Variants in DNAAF4 observed in about 807,000 individuals in gnomAD.
The protein encoded by DNAAF4 is dynein assembly factor 4, axonemal.
A neutral mutation model predicts 51.8 loss-of-function variants in DNAAF4; 43 were observed. That is an observed-to-expected ratio of 0.83 (90% confidence interval 0.65 to 1.07). The LOEUF (loss-of-function observed/expected upper bound fraction) is 1.07. Among genes scored for constraint, DNAAF4 ranks in the 50% least tolerant of loss-of-function variants. The probability of loss-of-function intolerance (pLI) is 0.00; values close to 1 mark genes in which losing one functional copy is unlikely to be tolerated. For synonymous variants in DNAAF4, 194 were observed against 165.6 expected (o/e 1.17, Z -1.32); for missense variants, 581 against 493.0 (o/e 1.18, Z -1.69).
chr15:55,487,397 C>T (rs944763297), intron 4 of DNAAF4, among the ~76,000 whole-genome samples: 4 of 152,148 alleles, frequency 2.6e-5, no homozygotes, highest in African/African-American at 9.7e-5. Flanking sequence ...GTAAAATGGA[C>T]CAATCAGCAC....
At position 55,467,092 on chromosome 15, in the gene DNAAF4, A is replaced by G. The variant is rs775044601; in HGVS notation, c.475T>C (p.Leu159=). 9 of 1,550,242 alleles carry G rather than the reference A, an allele frequency of 5.8e-6. No individual in the cohort carries two copies. The East Asian group carries it at 1.2e-4, about 21-fold the overall frequency. Residue 159 remains leucine (L), a synonymous_variant, in exon 5 of 10, where the codon TTG becomes CTG. Coordinates refer to ENST00000321149, the MANE Select transcript of DNAAF4 (RefSeq NM_130810.4). The stretch of plus-strand genomic sequence containing the variant: ...CTTTGATATTCTTTCCAGGCTTCCA[A>G]TGCTTTAGTGGCTTTTATCCGTTCA... ...ENERIKATKA[L]EAWKEYQRKA...
At chr15:55,470,844 C>T (rs1278469714) in intron 4 of DNAAF4, among the ~76,000 whole-genome samples, 2 of 103,404 alleles carry the variant, frequency 1.9e-5, no homozygotes, top group Non-Finnish European at 3.9e-5. Flanking sequence ...CTATGCCTGG[C>T]GGATTTTTTT....
At chr15:55,437,562 A>G (rs758322966) in intron 7 of DNAAF4, among the ~76,000 whole-genome samples, 1 of 152,006 alleles carries the variant, frequency 6.6e-6, no homozygotes, top group Non-Finnish European at 1.5e-5. Flanking sequence ...ACGTTACCTA[A>G]CACGGCAAAA....
In DNAAF4 at chr15:55,497,115, C is replaced by G. The variant is rs1478145721; in HGVS notation, c.271+597G>C. 2.0e-5 allele frequency among the ~76,000 whole-genome samples: 3 copies of G among 152,300 alleles called. 1 individual carries two copies. Among genetic ancestry groups the G allele is most frequent in the African/African-American group, 7.2e-5 (3 of 41,566 alleles). On this transcript the variant is annotated intron_variant, in intron 3 of 9. Coordinates refer to ENST00000321149, the MANE Select transcript of DNAAF4 (RefSeq NM_130810.4). Reference sequence around the variant, plus strand: ...TTCTAAGCGGCCTACATCCCCTCCCCCTTCCCCTATTAAGACAGTCCCTAA... The same window carrying G: ...TTCTAAGCGGCCTACATCCCCTCCCGCTTCCCCTATTAAGACAGTCCCTAA...
chr15:55,495,108 A>C (rs2058622495), intron 3 of DNAAF4: 1 of 151,436 alleles, frequency 6.6e-6, no homozygotes, highest in South Asian at 2.1e-4. Context: ...TGACATCCTC[A>C]GGCCCCAACA....
chr15:55,422,225 A>C lies in DNAAF4; in HGVS notation c.1048-4092T>G, dbSNP rs554601771. On this transcript the variant is annotated intron_variant, in intron 7 of 7. Coordinates refer to the DNAAF4 transcript ENST00000448430. ...GAGGAAAGTGAGTACTTCAGCAAGG[A>C]GTTACTTTAGGTAGGTGGAAAGGGA... is the stretch of plus-strand genomic sequence containing the variant. Among the ~76,000 whole-genome samples, 77 of 152,166 alleles carry C rather than the reference A, an allele frequency of 5.1e-4. 1 individual carries two copies. Among genetic ancestry groups the C allele is most frequent in the African/African-American group, 1.8e-3 (75 of 41,536 alleles).
chr15:55,474,304 G>A (rs934826053), intron 4 of DNAAF4, among the ~76,000 whole-genome samples: 4 of 152,182 alleles, frequency 2.6e-5, no homozygotes, highest in Non-Finnish European at 4.4e-5. Flanking sequence ...GGGAGGCCGA[G>A]GTGGGCAGAT....
At chr15:55,452,419 ACT>A (rs1361006041) in intron 5 of DNAAF4, among the ~76,000 whole-genome samples, 1 of 151,982 alleles carries the variant, frequency 6.6e-6, no homozygotes, top group Non-Finnish European at 1.5e-5. Flanking sequence ...ACTAAAAAAA[ACT>A]ATATTGCTAC....
rs960281983 is a variant in DNAAF4 at position 55,454,998 on chromosome 15, TAAGTA to T, written c.638-4636_638-4632del. On this transcript the variant is annotated intron_variant, in intron 5 of 9. Transcript: ENST00000321149. ...TATATAATTATAGATAAAGTACAGA[TAAGTA>T]AATAAAAACTTTATGAAAATGAATT... is the stretch of plus-strand genomic sequence containing the variant. Among the ~76,000 whole-genome samples the T allele has an allele frequency of 4.6e-4, 69 of 149,946 alleles. 1 individual carries two copies. The South Asian group carries it at 8.9e-3, about 19-fold the overall frequency.
Position 55,497,725 on chromosome 15 carries a change from A to C in DNAAF4, c.258T>G (p.Leu86=). 6.2e-7 allele frequency: 1 copy of C among 1,608,780 alleles called. No homozygotes were observed. Among genetic ancestry groups the C allele is most frequent in the Non-Finnish European group, 8.5e-7 (1 of 1,178,404 alleles). ...YKKEAAMWET[L]SVTGVDKEMM... is the part of the protein sequence containing the mutation. ...TAAAGAACTTACCACCCGTCACAGAAAGGGTCTCCCACATGGCCGCTTCTT... is the reference window on the plus strand; with the variant it reads ...TAAAGAACTTACCACCCGTCACAGACAGGGTCTCCCACATGGCCGCTTCTT... Residue 86 remains leucine (L), a synonymous_variant, in exon 3 of 10, where the codon CTT becomes CTG. Coordinates refer to ENST00000321149, the MANE Select transcript of DNAAF4 (RefSeq NM_130810.4).
At chr15:55,432,438 C>T (rs2057511031) in intron 9 of DNAAF4, 59 bp downstream of exon 9, 2 of 1,374,688 alleles carry the variant, frequency 1.5e-6, no homozygotes, top group Non-Finnish European at 1.0e-6. Flanking sequence ...TAAATAATTC[C>T]AATGACATTT....
At chr15:55,453,900 T>G (rs2141470654) in intron 5 of DNAAF4, among the ~76,000 whole-genome samples, 1 of 152,150 alleles carries the variant, frequency 6.6e-6, no homozygotes, top group Middle Eastern at 3.4e-3. Context: ...ATTAAAAACA[T>G]CTTGGACAAG....
At chr15:55,502,037 C>T (rs924496483) in intron 1 of DNAAF4, among the ~76,000 whole-genome samples, 3 of 150,614 alleles carry the variant, frequency 2.0e-5, no homozygotes, top group Non-Finnish European at 4.4e-5. Context: ...GAGCAAGACT[C>T]TGTCTCAAAA....
intron 6 of DNAAF4, among the ~76,000 whole-genome samples, chr15:55,442,046 A>G (rs1448017311): frequency 6.6e-6 from 1 of 152,216 alleles, no homozygotes. Flanking sequence ...GTTTGCAGGA[A>G]AAGTTTCAAT....
At chr15:55,454,688 A>C (rs1032722788) in intron 5 of DNAAF4, among the ~76,000 whole-genome samples, 5 of 152,196 alleles carry the variant, frequency 3.3e-5, no homozygotes, top group Admixed American at 6.5e-5. Context: ...ACCAGCCAAG[A>C]AGGTAATATT....
intron 4 of DNAAF4, among the ~76,000 whole-genome samples, chr15:55,488,719 T>A (rs1327080664): frequency 6.6e-6 from 1 of 152,146 alleles, no homozygotes; most frequent in African/African-American, 2.4e-5. Context: ...ATATAACCCG[T>A]ATCTTCATAT....
chr15:55,435,241 G>C (rs1421795145), intron 7 of DNAAF4, among the ~76,000 whole-genome samples, 183 bp from the exon 8 acceptor site: 1 of 151,840 alleles, frequency 6.6e-6, no homozygotes, highest in Admixed American at 6.6e-5. Flanking sequence ...GAATGGAATG[G>C]ACCTCACTCC....
At chr15:55,497,595 TAA>T (rs112865941) in intron 3 of DNAAF4, 115 bp downstream of exon 3, 670 of 1,060,948 alleles carry the variant, frequency 6.3e-4, no homozygotes, top group African/African-American at 3.2e-3. Flanking sequence ...GCAAGACTCT[TAA>T]AAAAAAAAAA....
intron 4 of DNAAF4, among the ~76,000 whole-genome samples, chr15:55,470,536 A>G (rs958153671): frequency 4.7e-5 from 7 of 149,480 alleles, no homozygotes; most frequent in Non-Finnish European, 8.9e-5. Context: ...TCTAGCAGGC[A>G]TGACTGGGTT....
Sources: gnomAD v4.1 joint callset for allele counts (sites outside exome capture counted in the v4.1 genomes callset) on GRCh38, gnomAD v4.1.1 for gene constraint, MANE v1.5 for transcripts, NCBI Gene and HGNC (gene_info 2026-07-23, HGNC 2026-07-21) for gene names.